SLC5A8: variants seen among roughly 807,000 people sequenced by gnomAD.
SLC5A8 encodes the protein sodium-coupled monocarboxylate transporter 1.
In SLC5A8, 55 loss-of-function variants were observed where a neutral mutation model predicts 71.9. The ratio of observed to expected loss-of-function variants is 0.77; its 90% CI spans 0.62 to 0.96. SLC5A8 has a LOEUF of 0.96. Among genes scored for constraint, SLC5A8 ranks in the 40% least tolerant of loss-of-function variants. The pLI is 0.00. For synonymous variants in SLC5A8, 307 were observed against 276.1 expected (o/e 1.11, Z -1.11); for missense variants, 701 against 745.3 (o/e 0.94, Z 0.69).
At chr12:101,199,279 G>A (rs1199591923) in intron 3 of SLC5A8, 1 of 151,748 alleles carries the variant, frequency 6.6e-6, no homozygotes, top group Non-Finnish European at 1.5e-5. Flanking sequence ...TAAAAAATAT[G>A]GAATGCTTCA....
In SLC5A8 at chr12:101,210,204, A is replaced by G. The variant is rs899709016; in HGVS notation, c.-356T>C. On this transcript the variant is annotated 5_prime_UTR_variant, in exon 1 of 15. Transcript: ENST00000536262. ...TGGAGCCTCCAGCTGCTTCCAGCGA[A>G]TCTACACAGGGAGCGCTCTGGGCAG... 1.5e-5 allele frequency: 4 copies of G among 264,692 alleles called. No homozygotes were observed. Among genetic ancestry groups the G allele is most frequent in the African/African-American group, 2.2e-5 (1 of 45,050 alleles). 16.4% of individuals were successfully genotyped at this position (264,692 alleles called of 1,614,324 possible). A position where few individuals can be genotyped will look rare whatever the true frequency, so the allele number is the denominator to read the frequency against.
At chr12:101,185,233 G>T (rs193057501) in intron 7 of SLC5A8, among the ~76,000 whole-genome samples, 1 of 152,230 alleles carries the variant, frequency 6.6e-6, no homozygotes, top group African/African-American at 2.4e-5. Context: ...TCAGAAAAAC[G>T]GAATAGCATT....
At position 101,166,609 on chromosome 12, in the gene SLC5A8, A is replaced by G. The variant is rs1235724953; in HGVS notation, c.1411T>C (p.Leu471=). ...CCTTGGATATCAAGGTGCAATGGCA[A>G]TGTTCTCTCAGGAAGTGGAGGATAT... ...QIYPPLPERT[L]PLHLDIQGCN... Residue 471 remains leucine, a synonymous_variant, in exon 12 of 15, where the codon TTG becomes CTG. Transcript: ENST00000536262. 1.9e-6 allele frequency: 3 copies of G among 1,614,010 alleles called. No homozygotes were observed. Among genetic ancestry groups the G allele is most frequent in the Admixed American group, 3.3e-5 (2 of 59,986 alleles).
rs1276096021 is a variant in SLC5A8 at position 101,161,999 on chromosome 12, C to T, written c.1605G>A (p.Val535=). The T allele has an allele frequency of 2.5e-6, 4 of 1,612,658 alleles. No individual in the cohort carries two copies. The highest frequency in any genetic ancestry group is 3.4e-6 in the Non-Finnish European group (4 of 1,179,000). ...CTGTTGATAAACTGACAAGTATCCC[C>T]ACTAATAATGTTACCAAAGTTCCAA... is the stretch of plus-strand genomic sequence containing the variant. ...STVGTLVTLL[V]GILVSLSTGG... is the part of the protein sequence containing the mutation. Residue 535 remains valine (V), a synonymous_variant, in exon 13 of 15, where the codon GTG becomes GTA. Coordinates refer to ENST00000536262, the MANE Select transcript of SLC5A8 (RefSeq NM_145913.5).
intron 10 of SLC5A8, 32 bp from the exon 11 acceptor site, chr12:101,168,214 A>C (rs1256148679): frequency 6.4e-7 from 1 of 1,553,242 alleles, no homozygotes; most frequent in South Asian, 1.2e-5. Context: ...AGCAATTAGC[A>C]ATCTCAAATC....
At position 101,198,877 on chromosome 12, in the gene SLC5A8, G is replaced by A. The variant is rs186003399; in HGVS notation, c.469+3287C>T. Among the ~76,000 whole-genome samples the A allele has an allele frequency of 1.6e-4, 24 of 151,910 alleles. No individual in the cohort carries two copies. In the East Asian group the frequency reaches 3.3e-3, roughly 21 times the overall value. On this transcript the variant is annotated intron_variant, in intron 3 of 14. Transcript: ENST00000536262. ...GGTTTATCCCAAGAATGCAAAAATT[G>A]GTTTAATATTCAAAATTCAGTCAAT...
chr12:101,157,875 A>C (rs1349399925), intron 14 of SLC5A8, among the ~76,000 whole-genome samples: 2 of 152,212 alleles, frequency 1.3e-5, no homozygotes, highest in African/African-American at 4.8e-5. Flanking sequence ...CAGAGGATAG[A>C]GAGAGATAGA....
chr12:101,171,358 C>T (rs370514727), intron 10 of SLC5A8, among the ~76,000 whole-genome samples: 2 of 152,058 alleles, frequency 1.3e-5, no homozygotes, highest in African/African-American at 2.4e-5. Flanking sequence ...TGGCCTTATG[C>T]CTATCATTAA....
At chr12:101,190,414 C>CA in intron 6 of SLC5A8, 54 bp downstream of exon 6, 1 of 1,567,508 alleles carries the variant, frequency 6.4e-7, no homozygotes, top group Non-Finnish European at 8.6e-7. Context: ...AAAGAGTTTC[C>CA]ATAAAGACAA....
At chr12:101,178,958 TA>T (rs989619546) in intron 10 of SLC5A8, among the ~76,000 whole-genome samples, 3 of 151,766 alleles carry the variant, frequency 2.0e-5, no homozygotes, top group Non-Finnish European at 4.4e-5. Context: ...AACTCACCAG[TA>T]AAAAAAGCAA....
Position 101,169,268 on chromosome 12 carries a change from G to C in SLC5A8, c.1234-1086C>G, listed in dbSNP as rs1257651037. Reference sequence around the variant, plus strand: ...ACAAGAGGAAATAAGACCTTGGCTAGAGATGAAGCAAGGATGAACTGGCTT... The same window carrying C: ...ACAAGAGGAAATAAGACCTTGGCTACAGATGAAGCAAGGATGAACTGGCTT... On this transcript the variant is annotated intron_variant, in intron 10 of 14. Transcript: ENST00000536262. Among the ~76,000 whole-genome samples the C allele has an allele frequency of 5.3e-5, 8 of 152,358 alleles. No individual in the cohort carries two copies. The East Asian group carries it at 1.5e-3, about 29-fold the overall frequency.
chr12:101,198,828 G>T (rs944492671), intron 3 of SLC5A8, among the ~76,000 whole-genome samples: 17 of 151,824 alleles, frequency 1.1e-4, no homozygotes, highest in African/African-American at 3.9e-4. Flanking sequence ...TATATAAAAA[G>T]GATAATACAT....
chr12:101,193,488 C>G, intron 5 of SLC5A8, 137 bp downstream of exon 5: 1 of 982,682 alleles, frequency 1.0e-6, no homozygotes. Context: ...GTATTTACTT[C>G]TCTGCTTCAA....
At chr12:101,201,754 A>T (rs1869462975) in intron 3 of SLC5A8, among the ~76,000 whole-genome samples, 1 of 152,116 alleles carries the variant, frequency 6.6e-6, no homozygotes, top group Admixed American at 6.6e-5. Flanking sequence ...AAGTGTGGAG[A>T]AGAAAAGCTT....
At position 101,209,674 on chromosome 12, in the gene SLC5A8, G is replaced by C; in HGVS notation, c.175C>G (p.Leu59Val). ...GACATGAAGCTAGCGGTGAGGGACA[G>C]CGCCACGGGCACTGCGGTCATTCTG... ...GRRMTAVPVA[L>V]SLTASFMSAV... Residue 59 changes from leucine (L) to valine (V), a missense_variant, in exon 1 of 15, where the codon CTG becomes GTG. Physicochemically the swap from Leu to Val is conservative, Grantham distance 32. Coordinates refer to ENST00000536262, the MANE Select transcript of SLC5A8 (RefSeq NM_145913.5). 1 of 1,613,764 alleles carries C rather than the reference G, an allele frequency of 6.2e-7. No individual in the cohort carries two copies. The highest frequency in any genetic ancestry group is 8.5e-7 in the Non-Finnish European group (1 of 1,180,048).
intron 11 of SLC5A8, among the ~76,000 whole-genome samples, chr12:101,167,582 G>A (rs747525054): frequency 6.6e-6 from 1 of 152,118 alleles, no homozygotes; most frequent in African/African-American, 2.4e-5. Flanking sequence ...GAGATATTAC[G>A]TCTTTCTGGA....
rs373297879 is a variant in SLC5A8, at chr12:101,195,091, G to A, written c.537+4C>T. 112 of 1,613,842 alleles carry A rather than the reference G, an allele frequency of 6.9e-5. No homozygotes were observed. In the African/African-American group the frequency reaches 1.2e-3, roughly 17 times the overall value. ...GTGAAAAGGGAAATATGTCCTGGAC[G>A]TACCAGTGTGCAGTAGAATGTGCAG... On this transcript the variant is annotated splice_donor_region_variant and intron_variant, in intron 4 of 14. Transcript: ENST00000536262.
chr12:101,194,043 T>C (rs1204280533), intron 4 of SLC5A8, among the ~76,000 whole-genome samples: 4 of 152,164 alleles, frequency 2.6e-5, no homozygotes, highest in African/African-American at 9.7e-5. Flanking sequence ...TGAAACTACA[T>C]GGCATGCTGA....
chr12:101,182,473 G>T (rs542279029), intron 9 of SLC5A8, among the ~76,000 whole-genome samples: 11 of 152,230 alleles, frequency 7.2e-5, no homozygotes, highest in South Asian at 6.2e-4. Flanking sequence ...TGAATTTTTT[G>T]TGTGTGTGGC....
Sources: allele counts gnomAD v4.1 joint callset (sites outside exome capture counted in the v4.1 genomes callset), GRCh38; gene constraint gnomAD v4.1.1; transcripts MANE v1.5; gene names NCBI Gene and HGNC (gene_info 2026-07-23, HGNC 2026-07-21).